The following NELL1 variants were observed in gnomAD, a reference collection of about 807,000 sequenced individuals.
NELL1 encodes the protein protein kinase C-binding protein NELL1.
Under a neutral mutation model 107.4 loss-of-function variants are expected in NELL1, and 76 were observed. The observed-to-expected ratio is 0.71, with a 90% CI of 0.59 to 0.86. The LOEUF (loss-of-function observed/expected upper bound fraction) is 0.86, where lower values mean the gene tolerates loss of function less well. Ranked by LOEUF, NELL1 falls within the 40% of genes least tolerant of loss-of-function variation. The probability of loss-of-function intolerance (pLI) is 0.00; values close to 1 mark genes in which losing one functional copy is unlikely to be tolerated. For missense variants in NELL1, 1,024 were observed against 1,005.5 expected (o/e 1.02, Z -0.25); for synonymous variants, 353 against 341.2 (o/e 1.03, Z -0.38).
chr11:20,825,982 TAGTG>T (rs1857874627), intron 3 of NELL1, among the ~76,000 whole-genome samples: 1 of 151,204 alleles, frequency 6.6e-6, no homozygotes, highest in African/African-American at 2.4e-5. Context: ...GTTCTTGTGA[TAGTG>T]AGTGAGTTCT....
At chr11:20,728,395 C>T (rs1042985506) in intron 2 of NELL1, among the ~76,000 whole-genome samples, 6 of 151,982 alleles carry the variant, frequency 3.9e-5, no homozygotes, top group African/African-American at 9.7e-5. Context: ...AGGTCAATGT[C>T]GAGAATGGTG....
At chr11:21,346,598 G>A (rs977662759) in intron 14 of NELL1, among the ~76,000 whole-genome samples, 52 of 147,216 alleles carry the variant, frequency 3.5e-4, no homozygotes, top group African/African-American at 1.2e-3. Flanking sequence ...AATATATAAT[G>A]TATGATATTT....
intron 12 of NELL1, among the ~76,000 whole-genome samples, chr11:21,050,602 T>A (rs1466582945): frequency 6.6e-6 from 1 of 152,208 alleles, no homozygotes; most frequent in African/African-American, 2.4e-5. Flanking sequence ...CTACAAGGCT[T>A]GGTTCAGGGT....
At chr11:21,019,951 T>C (rs1210988883) in intron 12 of NELL1, among the ~76,000 whole-genome samples, 1 of 152,102 alleles carries the variant, frequency 6.6e-6, no homozygotes, top group Non-Finnish European at 1.5e-5. Flanking sequence ...TCTCTTGTTA[T>C]CAATATTTGC....
At chr11:21,104,082 G>T (rs1215071864) in intron 12 of NELL1, among the ~76,000 whole-genome samples, 1 of 152,060 alleles carries the variant, frequency 6.6e-6, no homozygotes, top group Non-Finnish European at 1.5e-5. Flanking sequence ...CATTTCTAGG[G>T]TGTTCTTTGA....
At chr11:21,336,480 C>T (rs923948701) in intron 14 of NELL1, among the ~76,000 whole-genome samples, 1 of 151,760 alleles carries the variant, frequency 6.6e-6, no homozygotes, top group Non-Finnish European at 1.5e-5. Context: ...GCTTTCCAGT[C>T]TAACCTGGTT....
chr11:20,819,214 A>C (rs1254873091), intron 3 of NELL1, among the ~76,000 whole-genome samples: 2 of 152,220 alleles, frequency 1.3e-5, no homozygotes, highest in African/African-American at 2.4e-5. Context: ...CTGCATGTAC[A>C]GCATTGATTC....
intron 15 of NELL1, among the ~76,000 whole-genome samples, chr11:21,439,628 A>C (rs1265247305): frequency 6.6e-6 from 1 of 152,140 alleles, no homozygotes; most frequent in African/African-American, 2.4e-5. Flanking sequence ...TTTTGGGATC[A>C]TTTCTTACTA....
At chr11:20,940,440 G>A (rs926391551) in intron 10 of NELL1, among the ~76,000 whole-genome samples, 21 of 152,006 alleles carry the variant, frequency 1.4e-4, no homozygotes, top group Admixed American at 1.3e-3. Flanking sequence ...TGTATTTTTA[G>A]TAGAGACGGG....
At chr11:20,874,765 A>G (rs1328706438) in intron 4 of NELL1, among the ~76,000 whole-genome samples, 1 of 152,012 alleles carries the variant, frequency 6.6e-6, no homozygotes, top group Non-Finnish European at 1.5e-5. Flanking sequence ...AATTTTCTCT[A>G]TCTTGAGCTC....
At chr11:20,907,853 C>T (rs1470591324) in intron 5 of NELL1, among the ~76,000 whole-genome samples, 2 of 152,032 alleles carry the variant, frequency 1.3e-5, no homozygotes, top group Non-Finnish European at 2.9e-5. Context: ...GGAACTTAAA[C>T]ATATTTATGA....
intron 15 of NELL1, among the ~76,000 whole-genome samples, chr11:21,484,746 C>T (rs1179351749): frequency 6.6e-6 from 1 of 152,090 alleles, no homozygotes; most frequent in African/African-American, 2.4e-5. Context: ...GACTTACAAA[C>T]ATCTCAATTT....
chr11:20,717,416 G>T (rs958705715), intron 2 of NELL1, among the ~76,000 whole-genome samples: 1 of 151,972 alleles, frequency 6.6e-6, no homozygotes, highest in African/African-American at 2.4e-5. Flanking sequence ...ATTTCTGCTT[G>T]CCTTTTGCCT....
chr11:21,161,336 A>G (rs1015159384), intron 13 of NELL1, among the ~76,000 whole-genome samples: 4 of 152,148 alleles, frequency 2.6e-5, no homozygotes, highest in Non-Finnish European at 5.9e-5. Context: ...CCAGGAGTTC[A>G]AGACTAGCCT....
chr11:21,450,408 A>G (rs1453828043), intron 15 of NELL1, among the ~76,000 whole-genome samples: 1 of 152,238 alleles, frequency 6.6e-6, no homozygotes, highest in Non-Finnish European at 1.5e-5. Flanking sequence ...GTGTATTTTG[A>G]AAATGTACAC....
At chr11:21,111,034 C>A (rs112674177) in intron 12 of NELL1, among the ~76,000 whole-genome samples, 2,595 of 152,170 alleles carry the variant, frequency 0.017, 70 homozygotes, top group African/African-American at 0.058. Flanking sequence ...GTAATTAAGT[C>A]TTCTCAAACA....
intron 12 of NELL1, among the ~76,000 whole-genome samples, chr11:20,976,999 T>C: frequency 6.6e-6 from 1 of 152,128 alleles, no homozygotes; most frequent in Admixed American, 6.5e-5. Flanking sequence ...TTCGTCATTT[T>C]GCTTTCCTCT....
At chr11:20,889,396 G>T (rs904363118) in intron 5 of NELL1, among the ~76,000 whole-genome samples, 1 of 152,108 alleles carries the variant, frequency 6.6e-6, no homozygotes, top group Non-Finnish European at 1.5e-5. Context: ...AAGCTTAATT[G>T]TCATTTGAGA....
intron 14 of NELL1, among the ~76,000 whole-genome samples, chr11:21,245,523 C>T (rs945717019): frequency 1.3e-5 from 2 of 152,152 alleles, no homozygotes; most frequent in Non-Finnish European, 2.9e-5. Context: ...GGTTTTACCT[C>T]CTTAAGGCAG....
Sources: gnomAD v4.1 joint callset for allele counts (sites outside exome capture counted in the v4.1 genomes callset) on GRCh38, gnomAD v4.1.1 for gene constraint, MANE v1.5 for transcripts, NCBI Gene and HGNC (gene_info 2026-07-23, HGNC 2026-07-21) for gene names.